Variants in TSGA10 observed in about 807,000 individuals in gnomAD.
The protein encoded by TSGA10 is testis-specific gene 10 protein.
In TSGA10, 43 loss-of-function variants were observed where a neutral mutation model predicts 96.6. The ratio of observed to expected loss-of-function variants is 0.44; its 90% confidence interval spans 0.35 to 0.57. TSGA10 has a LOEUF of 0.57. Among genes scored for constraint, TSGA10 ranks in the 20% least tolerant of loss-of-function variants. The pLI, the probability that TSGA10 is intolerant of heterozygous loss-of-function variation, is 0.01. For missense variants in TSGA10, 703 were observed against 834.4 expected (o/e 0.84, Z 1.94); for synonymous variants, 229 against 269.9 (o/e 0.85, Z 1.48).
At chr2:98,998,726 A>G (rs2077644130) in intron 20 of TSGA10, among the ~76,000 whole-genome samples, 1 of 152,192 alleles carries the variant, frequency 6.6e-6, no homozygotes, top group Admixed American at 6.5e-5. Context: ...GAGTGCATCT[A>G]AAAACTAGTG....
intron 17 of TSGA10, among the ~76,000 whole-genome samples, chr2:99,028,568 C>T (rs2080851746): frequency 6.6e-6 from 1 of 152,084 alleles, no homozygotes; most frequent in South Asian, 2.1e-4. Flanking sequence ...ACTTATTCAC[C>T]TTGTAACTGA....
intron 16 of TSGA10, among the ~76,000 whole-genome samples, chr2:99,045,807 A>G (rs1236080164): frequency 6.6e-6 from 1 of 152,240 alleles, no homozygotes; most frequent in Non-Finnish European, 1.5e-5. Flanking sequence ...TAGAGTCAAG[A>G]CCCATCAGTG....
At chr2:99,119,955 C>A (rs2092484486) in intron 2 of TSGA10, among the ~76,000 whole-genome samples, 1 of 152,148 alleles carries the variant, frequency 6.6e-6, no homozygotes, top group Non-Finnish European at 1.5e-5. Context: ...AACAAGAGCA[C>A]ACTAAAAATG....
At chr2:99,083,476 C>T (rs565954708) in intron 10 of TSGA10, among the ~76,000 whole-genome samples, 9 of 152,004 alleles carry the variant, frequency 5.9e-5, no homozygotes, top group African/African-American at 2.2e-4. Flanking sequence ...GAAAAACACC[C>T]CCAAAAAATA....
At chr2:99,067,309 G>A (rs971333858) in intron 15 of TSGA10, among the ~76,000 whole-genome samples, 15 of 152,156 alleles carry the variant, frequency 9.9e-5, no homozygotes, top group African/African-American at 3.6e-4. Flanking sequence ...CATTCTCTCC[G>A]GGCCTGCATC....
At position 99,109,519 on chromosome 2, in the gene TSGA10, G is replaced by T; in HGVS notation, c.-73-7C>A. On this transcript the variant is annotated splice_region_variant and splice_polypyrimidine_tract_variant and intron_variant, in intron 5 of 20. Coordinates refer to ENST00000393483, the MANE Select transcript of TSGA10 (RefSeq NM_025244.4). The stretch of plus-strand genomic sequence containing the variant: ...CTTGACAAAGGAATCAAGTCTAGAA[G>T]GAGATTTATTTTGTGCTTTTTCAGT... The T allele has an allele frequency of 1.9e-6, 3 of 1,553,640 alleles. No homozygotes were observed. Among genetic ancestry groups the T allele is most frequent in the Non-Finnish European group, 2.6e-6 (3 of 1,145,754 alleles).
At chr2:98,998,319 G>GT (rs575929450) in intron 20 of TSGA10, 98 bp from the exon 21 acceptor site, 23 of 991,800 alleles carry the variant, frequency 2.3e-5, no homozygotes, top group Admixed American at 5.2e-5. Flanking sequence ...TCAGCAAAAC[G>GT]TAAGATTTTT....
intron 1 of TSGA10, among the ~76,000 whole-genome samples, chr2:99,149,785 CTTTTT>C (rs70940143): frequency 8.9e-6 from 1 of 112,454 alleles, no homozygotes; most frequent in Non-Finnish European, 1.7e-5. Context: ...TCACAAGTAT[CTTTTT>C]TTTTTTTTTT....
chr2:99,085,176 G>A (rs2088096353), intron 10 of TSGA10, among the ~76,000 whole-genome samples: 1 of 152,030 alleles, frequency 6.6e-6, no homozygotes, highest in Middle Eastern at 3.2e-3. Context: ...GAACCCAGGA[G>A]GCGGAGGTTG....
At chr2:99,002,863 T>A (rs887478455) in intron 20 of TSGA10, among the ~76,000 whole-genome samples, 3 of 135,960 alleles carry the variant, frequency 2.2e-5, no homozygotes, top group African/African-American at 8.0e-5. Context: ...TAAAACAAAC[T>A]TTTTTTTTTT....
intron 2 of TSGA10, among the ~76,000 whole-genome samples, chr2:99,120,817 T>C (rs1003076301): frequency 1.3e-5 from 2 of 152,168 alleles, no homozygotes; most frequent in Non-Finnish European, 2.9e-5. Flanking sequence ...AACGAGACCA[T>C]TCTTCTGCTG....
At chr2:99,025,335 T>G (rs2080467204) in intron 17 of TSGA10, among the ~76,000 whole-genome samples, 1 of 152,230 alleles carries the variant, frequency 6.6e-6, no homozygotes, top group Non-Finnish European at 1.5e-5. Flanking sequence ...TTTTCTACTT[T>G]TCCTTAAGTC....
chr2:99,108,796 T>C, intron 7 of TSGA10, 37 bp downstream of exon 7: 1 of 1,428,304 alleles, frequency 7.0e-7, no homozygotes. Context: ...TAGAACTCAA[T>C]GTTATTACTT....
intron 16 of TSGA10, among the ~76,000 whole-genome samples, chr2:99,039,147 A>G (rs2081952845): frequency 6.6e-6 from 1 of 152,128 alleles, no homozygotes; most frequent in Admixed American, 6.6e-5. Flanking sequence ...AGTGGTACTA[A>G]GAGGAAAGTT....
intron 13 of TSGA10, among the ~76,000 whole-genome samples, 173 bp downstream of exon 13, chr2:99,072,845 T>C (rs1238768133): frequency 2.0e-5 from 3 of 152,182 alleles, no homozygotes; most frequent in African/African-American, 4.8e-5. Context: ...CTTATTTTAC[T>C]TGGCAAACAC....
chr2:99,002,288 T>C (rs60448058), intron 20 of TSGA10, among the ~76,000 whole-genome samples: 2 of 152,116 alleles, frequency 1.3e-5, no homozygotes, highest in Admixed American at 6.6e-5. Context: ...GCAGATCTCT[T>C]GGCAGAAACT....
chr2:99,072,636 T>G (rs1268473746), intron 13 of TSGA10, among the ~76,000 whole-genome samples: 1 of 152,168 alleles, frequency 6.6e-6, no homozygotes, highest in East Asian at 1.9e-4. Flanking sequence ...CTTTAATGAT[T>G]TCTTATTGCC....
At chr2:99,087,449 T>C (rs2088672487) in intron 10 of TSGA10, among the ~76,000 whole-genome samples, 1 of 152,244 alleles carries the variant, frequency 6.6e-6, no homozygotes, top group Non-Finnish European at 1.5e-5. Flanking sequence ...GAGGTTGCAG[T>C]GAGCCGAGAT....
At chr2:99,045,364 C>T (rs903879540) in intron 16 of TSGA10, among the ~76,000 whole-genome samples, 2 of 152,130 alleles carry the variant, frequency 1.3e-5, no homozygotes, top group Admixed American at 6.5e-5. Context: ...AAGGGAAGCC[C>T]ATCAGACTAA....
Sources: allele counts gnomAD v4.1 joint callset (sites outside exome capture counted in the v4.1 genomes callset), GRCh38; gene constraint gnomAD v4.1.1; transcripts MANE v1.5; gene names NCBI Gene and HGNC (gene_info 2026-07-23, HGNC 2026-07-21).